NCAPD3: variants seen among roughly 807,000 people sequenced by gnomAD.
NCAPD3 encodes the protein condensin-2 complex subunit D3.
Under a neutral mutation model 182.9 loss-of-function variants are expected in NCAPD3, and 105 were observed. That is an observed-to-expected ratio of 0.57 (90% CI 0.49 to 0.68). The LOEUF is 0.68. Ranked by LOEUF, NCAPD3 falls within the 30% of genes least tolerant of loss-of-function variation. The probability of loss-of-function intolerance (pLI) is 0.00; values close to 1 mark genes in which losing one functional copy is unlikely to be tolerated. For synonymous variants in NCAPD3, 815 were observed against 679.9 expected, an observed-to-expected ratio of 1.20 and a Z score of -3.09; for missense variants, 1,944 against 1,837.0, an observed-to-expected ratio of 1.06 and a Z score of -1.07.
At chr11:134,167,496 G>A (rs1475239296) in intron 27 of NCAPD3, among the ~76,000 whole-genome samples, 3 of 139,108 alleles carry the variant, frequency 2.2e-5, no homozygotes, top group Admixed American at 7.3e-5. Context: ...TGGGGGAGGC[G>A]CACACTCGTG....
In NCAPD3 at chr11:134,198,731, T is replaced by C. The variant is rs535463060; in HGVS notation, c.1616-3993A>G. 1.2e-4 allele frequency among the ~76,000 whole-genome samples: 18 copies of C among 152,300 alleles called. 1 individual carries two copies. The South Asian group carries it at 3.7e-3, about 32-fold the overall frequency. On this transcript the variant is annotated intron_variant, in intron 13 of 34. Transcript: ENST00000534548. ...CCTAAGGAATCCACAAAACAATCAT[T>C]AGAGCTCGTAATGAGTTTGGCAAGG...
intron 24 of NCAPD3, chr11:134,173,025 T>C (rs1340210809): frequency 6.8e-6 from 1 of 146,742 alleles, no homozygotes; most frequent in Admixed American, 6.9e-5. Flanking sequence ...GGGCAGGCAG[T>C]GCAAGGACCT....
At chr11:134,211,553 TAA>T (rs1430178015) in intron 3 of NCAPD3, among the ~76,000 whole-genome samples, 1 of 151,904 alleles carries the variant, frequency 6.6e-6, no homozygotes, top group Non-Finnish European at 1.5e-5. Flanking sequence ...CAGGGAGTGC[TAA>T]AAAGCAGGAA....
chr11:134,169,844 C>T (rs1371690346), intron 24 of NCAPD3, among the ~76,000 whole-genome samples: 1 of 152,226 alleles, frequency 6.6e-6, no homozygotes, highest in Non-Finnish European at 1.5e-5. Context: ...TAACATGGTG[C>T]AGGACTCACT....
intron 26 of NCAPD3, 76 bp from the exon 27 acceptor site, chr11:134,168,271 A>C: frequency 6.8e-7 from 1 of 1,475,292 alleles, no homozygotes; most frequent in Non-Finnish European, 9.4e-7. Flanking sequence ...AATTCCCACA[A>C]CTGGGGGGCC....
chr11:134,221,130 G>A (rs1471032387), intron 1 of NCAPD3, among the ~76,000 whole-genome samples: 2 of 152,102 alleles, frequency 1.3e-5, no homozygotes, highest in Admixed American at 6.5e-5. Flanking sequence ...ATAAAATATA[G>A]AGCACTTTAT....
chr11:134,164,293 G>A (rs1943691009), intron 27 of NCAPD3, among the ~76,000 whole-genome samples: 1 of 152,232 alleles, frequency 6.6e-6, no homozygotes, highest in African/African-American at 2.4e-5. Context: ...AGAAAGAGGA[G>A]ATGAAGAGCA....
chr11:134,179,463 C>T (rs1190494024), intron 20 of NCAPD3, among the ~76,000 whole-genome samples: 3 of 152,182 alleles, frequency 2.0e-5, no homozygotes, highest in African/African-American at 7.2e-5. Flanking sequence ...AAGTATATGC[C>T]ATTTCAAAAC....
intron 16 of NCAPD3, among the ~76,000 whole-genome samples, chr11:134,188,501 G>C (rs1944458674): frequency 6.6e-6 from 1 of 152,316 alleles, no homozygotes; most frequent in East Asian, 1.9e-4. Context: ...CTCACTCTTT[G>C]GGTCCACACT....
At chr11:134,165,778 C>T (rs1266924122) in intron 27 of NCAPD3, among the ~76,000 whole-genome samples, 2 of 133,522 alleles carry the variant, frequency 1.5e-5, no homozygotes, top group Non-Finnish European at 3.2e-5. Context: ...GGTACACACT[C>T]GTGAGAGGAG....
At chr11:134,207,299 C>T (rs558871554) in intron 7 of NCAPD3, among the ~76,000 whole-genome samples, 1 of 151,976 alleles carries the variant, frequency 6.6e-6, no homozygotes, top group East Asian at 1.9e-4. Flanking sequence ...AATTTTAAAC[C>T]TTACAACAAT....
At chr11:134,155,673 G>A (rs622260) in intron 32 of NCAPD3, among the ~76,000 whole-genome samples, 68,044 of 151,944 alleles carry the variant, frequency 0.45, 17,971 homozygotes, top group African/African-American at 0.75. Context: ...AATGAGATGC[G>A]TTCTCCCCGT....
Position 134,203,846 on chromosome 11 carries a change from C to G in NCAPD3, c.1276G>C (p.Glu426Gln). The G allele has an allele frequency of 6.2e-7, 1 of 1,614,192 alleles. No individual in the cohort carries two copies. The highest frequency in any genetic ancestry group is 8.5e-7 in the Non-Finnish European group (1 of 1,180,030). The change falls in exon 11 of 35, where the codon GAG becomes CAG. Residue 426 changes from glutamate to glutamine, a missense_variant. By Grantham distance (29) the Glu-to-Gln change is conservative. Coordinates refer to ENST00000534548, the MANE Select transcript of NCAPD3 (RefSeq NM_015261.3). ...VLALLELPER[E>Q]VDNTLSLEHQ... ...TCCAAGGAGAGGGTGTTATCCACCT[C>G]TCTTTCAGGCAGTTCTAACAGAGCT...
chr11:134,215,568 T>G (rs1937983218), intron 3 of NCAPD3, among the ~76,000 whole-genome samples: 1 of 152,084 alleles, frequency 6.6e-6, no homozygotes, highest in Non-Finnish European at 1.5e-5. Context: ...AAATAACACT[T>G]AAGAATAAAT....
intron 32 of NCAPD3, among the ~76,000 whole-genome samples, chr11:134,155,117 G>T (rs1299341260): frequency 1.3e-5 from 2 of 152,170 alleles, no homozygotes; most frequent in Non-Finnish European, 2.9e-5. Flanking sequence ...CCACCCGAAT[G>T]GTAACAGTAA....
chr11:134,192,711 T>C lies in NCAPD3; in HGVS notation c.2023A>G (p.Thr675Ala), dbSNP rs1591847517. ...VLAWALLTLL[T>A]TESQELSRYL... ...TACCTCAGTTCCTGGCTTTCGGTGG[T>C]GAGGAGAGTAAGAAGCGCCCAGGCG... The change falls in exon 16 of 35, where the codon ACC (threonine) becomes GCC (alanine). Residue 675 changes from threonine (T) to alanine (A), a missense_variant. Physicochemically the swap from Thr to Ala is moderately conservative, Grantham distance 58. This residue lies in a region of NCAPD3 where 1,803 missense variants were observed against 1,674.6 expected (regional missense o/e 1.08). Coordinates refer to ENST00000534548, the MANE Select transcript of NCAPD3 (RefSeq NM_015261.3). 6.2e-7 allele frequency: 1 copy of C among 1,614,124 alleles called. No individual in the cohort carries two copies. The highest frequency in any genetic ancestry group is 2.2e-5 in the East Asian group (1 of 44,876).
chr11:134,212,926 ATAAAT>A (rs1339894328), intron 3 of NCAPD3, among the ~76,000 whole-genome samples: 2 of 152,224 alleles, frequency 1.3e-5, no homozygotes, highest in African/African-American at 2.4e-5. Flanking sequence ...GAAATAGAAA[ATAAAT>A]AGAAAAATGG....
intron 27 of NCAPD3, among the ~76,000 whole-genome samples, chr11:134,166,773 T>G (rs1943824355): frequency 3.6e-5 from 3 of 83,900 alleles, no homozygotes; most frequent in Admixed American, 1.5e-4. Flanking sequence ...GAGATGAGCT[T>G]GGGGGAGGCG....
At chr11:134,211,891 GA>G (rs528880660) in intron 3 of NCAPD3, among the ~76,000 whole-genome samples, 12 of 152,234 alleles carry the variant, frequency 7.9e-5, no homozygotes, top group African/African-American at 2.6e-4. Flanking sequence ...TCTAACACAG[GA>G]GTGACTGAAG....
Sources: allele counts gnomAD v4.1 joint callset (sites outside exome capture counted in the v4.1 genomes callset), GRCh38; gene constraint gnomAD v4.1.1; regional missense constraint gnomAD v4.1.1; transcripts MANE v1.5; gene names NCBI Gene and HGNC (gene_info 2026-07-23, HGNC 2026-07-21).